The following CTNNBL1 variants were observed in gnomAD, a reference collection of about 807,000 sequenced individuals.
CTNNBL1 encodes the protein beta-catenin-like protein 1.
In CTNNBL1, 31 loss-of-function variants were observed where a neutral mutation model predicts 72.7. The ratio of observed to expected loss-of-function variants is 0.43; its 90% CI spans 0.32 to 0.58. CTNNBL1 has a LOEUF of 0.58. Ranked by LOEUF, CTNNBL1 falls within the 20% of genes least tolerant of loss-of-function variation. The pLI, the probability that CTNNBL1 is intolerant of heterozygous loss-of-function variation, is 0.08. For synonymous variants in CTNNBL1, 240 were observed against 267.3 expected (o/e 0.90, Z 1.00); for missense variants, 534 against 725.1 (o/e 0.74, Z 3.03).
intron 6 of CTNNBL1, among the ~76,000 whole-genome samples, chr20:37,767,238 T>C (rs2073477367): frequency 6.6e-6 from 1 of 152,138 alleles, no homozygotes; most frequent in Non-Finnish European, 1.5e-5. Context: ...CCATTTGATA[T>C]TAAGGACTCT....
intron 3 of CTNNBL1, among the ~76,000 whole-genome samples, chr20:37,743,005 T>G (rs1229633827): frequency 1.3e-5 from 2 of 152,120 alleles, no homozygotes; most frequent in African/African-American, 4.8e-5. Context: ...GGTTTCACTC[T>G]GTTGGCCAGG....
intron 1 of CTNNBL1, among the ~76,000 whole-genome samples, chr20:37,717,255 C>T (rs1039048789): frequency 1.3e-5 from 2 of 152,204 alleles, no homozygotes; most frequent in African/African-American, 4.8e-5. Flanking sequence ...TCTTTGCCCA[C>T]TTTGGTCTTA....
At chr20:37,721,404 G>A (rs560034452) in intron 1 of CTNNBL1, among the ~76,000 whole-genome samples, 1 of 152,242 alleles carries the variant, frequency 6.6e-6, no homozygotes, top group South Asian at 2.1e-4. Context: ...TGACTTTAAG[G>A]TACCCTGTGA....
chr20:37,701,916 GGC>G (rs2072847977), intron 1 of CTNNBL1, among the ~76,000 whole-genome samples: 3 of 147,912 alleles, frequency 2.0e-5, no homozygotes, highest in East Asian at 3.9e-4. Flanking sequence ...GCAGATGTGT[GGC>G]GTAATACATT....
chr20:37,857,481 C>A (rs1386106465), intron 13 of CTNNBL1, among the ~76,000 whole-genome samples: 5 of 152,222 alleles, frequency 3.3e-5, no homozygotes, highest in Non-Finnish European at 7.3e-5. Flanking sequence ...GACTTGCTGT[C>A]CTCATATCCA....
chr20:37,826,134 G>A (rs184801365), intron 11 of CTNNBL1, among the ~76,000 whole-genome samples: 13 of 152,244 alleles, frequency 8.5e-5, no homozygotes, highest in East Asian at 1.9e-4. Context: ...ACATCATTCC[G>A]GTCTGTTCCC....
chr20:37,777,334 T>C lies in CTNNBL1; in HGVS notation c.751-11T>C. 6.2e-7 allele frequency: 1 copy of C among 1,612,178 alleles called. No homozygotes were observed. The highest frequency in any genetic ancestry group is 8.5e-7 in the Non-Finnish European group (1 of 1,178,236). ...CTTAACATTTTTCTCATTTCTCCTA[T>C]TTCCCCATAGGCAAAGATGCCTTTT... On this transcript the variant is annotated splice_polypyrimidine_tract_variant and intron_variant, in intron 7 of 15. Coordinates refer to ENST00000361383, the MANE Select transcript of CTNNBL1 (RefSeq NM_030877.5).
chr20:37,709,372 T>G (rs2072917715), intron 1 of CTNNBL1, among the ~76,000 whole-genome samples: 1 of 152,218 alleles, frequency 6.6e-6, no homozygotes, highest in African/African-American at 2.4e-5. Context: ...CTATTTCCAG[T>G]TAAGAGCATC....
At chr20:37,853,015 C>T (rs1299574927) in intron 13 of CTNNBL1, among the ~76,000 whole-genome samples, 1 of 152,100 alleles carries the variant, frequency 6.6e-6, no homozygotes, top group Non-Finnish European at 1.5e-5. Context: ...AGAGGAGTTC[C>T]AGTATCTAAT....
At chr20:37,782,427 T>C (rs747952011) in intron 10 of CTNNBL1, among the ~76,000 whole-genome samples, 3 of 152,218 alleles carry the variant, frequency 2.0e-5, no homozygotes, top group Non-Finnish European at 2.9e-5. Context: ...TATTTTTGTC[T>C]ACTTTATTGA....
At chr20:37,716,645 T>G (rs1568748448) in intron 1 of CTNNBL1, among the ~76,000 whole-genome samples, 2 of 152,310 alleles carry the variant, frequency 1.3e-5, no homozygotes, top group East Asian at 3.9e-4. Flanking sequence ...TTCATTGTCT[T>G]TGATGGACCC....
intron 10 of CTNNBL1, among the ~76,000 whole-genome samples, chr20:37,785,636 C>T (rs1172198225): frequency 4.6e-5 from 7 of 152,030 alleles, no homozygotes; most frequent in South Asian, 4.2e-4. Context: ...TAGGATTTTG[C>T]GTTCCTTCTG....
At chr20:37,789,787 G>A (rs191447229) in intron 10 of CTNNBL1, among the ~76,000 whole-genome samples, 15 of 152,326 alleles carry the variant, frequency 9.8e-5, no homozygotes, top group Admixed American at 9.1e-4. Context: ...TCTGTAAGGA[G>A]CAACAGAGCC....
At chr20:37,730,981 A>T (rs2073123110) in intron 1 of CTNNBL1, among the ~76,000 whole-genome samples, 2 of 152,036 alleles carry the variant, frequency 1.3e-5, no homozygotes, top group African/African-American at 4.8e-5. Context: ...ATTATATTTG[A>T]TTTAAAAAAC....
At chr20:37,755,194 G>A (rs1274133594) in intron 4 of CTNNBL1, among the ~76,000 whole-genome samples, 1 of 152,168 alleles carries the variant, frequency 6.6e-6, no homozygotes, top group Non-Finnish European at 1.5e-5. Context: ...AATTCCAGTA[G>A]CATAGCACCA....
chr20:37,801,754 C>T (rs1018579770), intron 10 of CTNNBL1, among the ~76,000 whole-genome samples: 1 of 152,202 alleles, frequency 6.6e-6, no homozygotes, highest in Non-Finnish European at 1.5e-5. Flanking sequence ...TAATGTCATA[C>T]TTCATGGTGA....
intron 3 of CTNNBL1, among the ~76,000 whole-genome samples, chr20:37,739,285 A>G (rs146237688): frequency 2.2e-3 from 338 of 152,226 alleles, no homozygotes; most frequent in African/African-American, 7.6e-3. Context: ...TTCTACTTAA[A>G]TCATACTGTG....
chr20:37,791,567 G>A (rs976846189), intron 10 of CTNNBL1, among the ~76,000 whole-genome samples: 1 of 152,080 alleles, frequency 6.6e-6, no homozygotes, highest in Non-Finnish European at 1.5e-5. Context: ...TTGTCTTATT[G>A]AATTTTAATA....
chr20:37,784,500 T>C (rs1388168170), intron 10 of CTNNBL1, among the ~76,000 whole-genome samples: 1 of 152,262 alleles, frequency 6.6e-6, no homozygotes, highest in East Asian at 1.9e-4. Context: ...ATCTGTTGCA[T>C]GTCTCTTGAC....
Sources: allele counts gnomAD v4.1 joint callset (sites outside exome capture counted in the v4.1 genomes callset), GRCh38; gene constraint gnomAD v4.1.1; transcripts MANE v1.5; gene names NCBI Gene and HGNC (gene_info 2026-07-23, HGNC 2026-07-21).